The following ST6GAL1 variants were observed in gnomAD, a reference collection of about 807,000 sequenced individuals.
ST6GAL1 encodes the protein ST6 beta-galactoside alpha-2,6-sialyltransferase 1, also known as beta-galactoside alpha-2,6-sialyltransferase 1.
In ST6GAL1, 20 loss-of-function variants were observed where a neutral mutation model predicts 38.0. The ratio of observed to expected loss-of-function variants is 0.53; its 90% CI spans 0.37 to 0.77. ST6GAL1 has a LOEUF of 0.77. Ranked by LOEUF, ST6GAL1 falls within the 30% of genes least tolerant of loss-of-function variation. The probability of loss-of-function intolerance (pLI) is 0.00; values close to 1 mark genes in which losing one functional copy is unlikely to be tolerated. For missense variants in ST6GAL1, 432 were observed against 496.4 expected (o/e 0.87, Z 1.23); for synonymous variants, 196 against 188.2 (o/e 1.04, Z -0.34).
In ST6GAL1 at chr3:186,956,752, G is replaced by C. The variant is rs369270418; in HGVS notation, c.-324-7033G>C. ...AATCACCCTCCCGTAAGATCCACCAGTTCAGAAGCACTGATCATGCACACA... is the reference window on the plus strand; with the variant it reads ...AATCACCCTCCCGTAAGATCCACCACTTCAGAAGCACTGATCATGCACACA... On this transcript the variant is annotated intron_variant, in intron 1 of 7. Transcript: ENST00000169298. Among the ~76,000 whole-genome samples the C allele has an allele frequency of 1.2e-4, 18 of 152,316 alleles. 1 individual carries two copies. Among genetic ancestry groups the C allele is most frequent in the African/African-American group, 4.1e-4 (17 of 41,572 alleles).
chr3:187,021,390 T>C (rs183352767), intron 2 of ST6GAL1, among the ~76,000 whole-genome samples: 2 of 152,316 alleles, frequency 1.3e-5, no homozygotes, highest in Non-Finnish European at 2.9e-5. Flanking sequence ...CTGCCGTCCT[T>C]TCACCTGCCC....
chr3:187,072,852 GT>G lies in ST6GAL1; in HGVS notation c.711del (p.Thr238ProfsTer17). Reference sequence around the variant, plus strand: ...GCTTATCTCTTTCTTCCTGCAGTTGGTTACCACAGAGAAGCGCTTCCTCAAA... The same window carrying G: ...GCTTATCTCTTTCTTCCTGCAGTTGGTACCACAGAGAAGCGCTTCCTCAAA... ...TTIRLMNSQLVTTEKRFLKDS... is the reference protein window; with the variant it reads ...TTIRLMNSQLXTTEKRFLKDS... On this transcript the variant is annotated frameshift_variant, in exon 6 of 8. Coordinates refer to ENST00000169298, the MANE Select transcript of ST6GAL1 (RefSeq NM_173216.2). LOFTEE classifies it high-confidence loss of function. The G allele has an allele frequency of 5.0e-6, 8 of 1,613,754 alleles. No individual in the cohort carries two copies. The highest frequency in any genetic ancestry group is 6.8e-6 in the Non-Finnish European group (8 of 1,179,702).
intron 2 of ST6GAL1, among the ~76,000 whole-genome samples, chr3:186,999,327 G>A (rs576441341): frequency 6.6e-6 from 1 of 152,236 alleles, no homozygotes; most frequent in Admixed American, 6.5e-5. Flanking sequence ...CTGAATAAAT[G>A]TGTTTCTGTC....
At chr3:186,988,997 C>T (rs1716057488) in intron 2 of ST6GAL1, among the ~76,000 whole-genome samples, 1 of 152,136 alleles carries the variant, frequency 6.6e-6, no homozygotes, top group East Asian at 1.9e-4. Context: ...AAGTGAGAAT[C>T]ATTAACATGA....
intron 2 of ST6GAL1, among the ~76,000 whole-genome samples, chr3:187,024,168 C>T (rs1297939661): frequency 6.6e-6 from 1 of 151,906 alleles, no homozygotes; most frequent in Non-Finnish European, 1.5e-5. Flanking sequence ...GATCTCTGCT[C>T]ACTGCAATCT....
intron 2 of ST6GAL1, among the ~76,000 whole-genome samples, chr3:187,034,749 A>T (rs1175653319): frequency 6.6e-6 from 1 of 152,316 alleles, no homozygotes; most frequent in East Asian, 1.9e-4. Context: ...TCAAAGGCAC[A>T]TACCTCAAAA....
chr3:186,956,737 C>A (rs1289008691), intron 1 of ST6GAL1, among the ~76,000 whole-genome samples: 1 of 152,202 alleles, frequency 6.6e-6, no homozygotes, highest in Non-Finnish European at 1.5e-5. Context: ...AATCACCCTC[C>A]CGTAAGATCC....
At chr3:186,978,631 C>T (rs928349759) in intron 2 of ST6GAL1, among the ~76,000 whole-genome samples, 3 of 152,206 alleles carry the variant, frequency 2.0e-5, no homozygotes, top group Non-Finnish European at 4.4e-5. Flanking sequence ...ATCAAAGCTC[C>T]TTTTTAGTGC....
chr3:186,973,053 G>A (rs182531437), intron 2 of ST6GAL1, among the ~76,000 whole-genome samples: 3 of 152,156 alleles, frequency 2.0e-5, no homozygotes, highest in African/African-American at 7.2e-5. Flanking sequence ...TTTTATTTTT[G>A]AGATGGAGTT....
Position 187,043,069 on chromosome 3 carries a change from C to T in ST6GAL1, c.366C>T (p.Tyr122=). The T allele has an allele frequency of 3.1e-6, 5 of 1,614,192 alleles. No homozygotes were observed. The highest frequency in any genetic ancestry group is 4.2e-6 in the Non-Finnish European group (5 of 1,180,046). The change falls in exon 4 of 8, where the codon TAC becomes TAT. Residue 122 remains tyrosine (Y), a synonymous_variant. Coordinates refer to ENST00000169298, the MANE Select transcript of ST6GAL1 (RefSeq NM_173216.2). ...AGAATTACCTAAGCATGAACAAGTA[C>T]AAAGTGTCCTACAAGGGGCCAGGAC... is the stretch of plus-strand genomic sequence containing the variant. ...IWKNYLSMNK[Y]KVSYKGPGPG...
Position 186,945,702 on chromosome 3 carries a change from T to G in ST6GAL1, c.-325+14868T>G, listed in dbSNP as rs573361298. 8.6e-4 allele frequency among the ~76,000 whole-genome samples: 131 copies of G among 152,088 alleles called. 1 individual carries two copies. Among genetic ancestry groups the G allele is most frequent in the African/African-American group, 3.1e-3 (128 of 41,506 alleles). ...TAACTTTAATTAGAAGTGTACCTTT[T>G]CCGGCTGGGCACGGTGGCTCATGCC... On this transcript the variant is annotated intron_variant, in intron 1 of 7. Coordinates refer to ENST00000169298, the MANE Select transcript of ST6GAL1 (RefSeq NM_173216.2).
At chr3:186,933,956 C>G (rs534124326) in intron 1 of ST6GAL1, among the ~76,000 whole-genome samples, 1 of 152,188 alleles carries the variant, frequency 6.6e-6, no homozygotes, top group Admixed American at 6.5e-5. Context: ...GTTTGCTGAA[C>G]GGTTCACTTT....
chr3:187,027,158 C>T (rs1434991708), intron 2 of ST6GAL1, among the ~76,000 whole-genome samples: 2 of 151,944 alleles, frequency 1.3e-5, no homozygotes, highest in African/African-American at 4.8e-5. Context: ...AAATACAAGC[C>T]CCATTTTAAA....
At chr3:186,992,456 G>A (rs2108546415) in intron 2 of ST6GAL1, among the ~76,000 whole-genome samples, 1 of 152,206 alleles carries the variant, frequency 6.6e-6, no homozygotes, top group Middle Eastern at 3.4e-3. Flanking sequence ...AGAAGTGTGA[G>A]AATGGACTAA....
intron 5 of ST6GAL1, among the ~76,000 whole-genome samples, chr3:187,071,800 AAG>A (rs1282604329): frequency 4.7e-5 from 7 of 149,908 alleles, no homozygotes; most frequent in Admixed American, 1.3e-4. Context: ...AAAAAAGAAA[AAG>A]AAAATGAGGG....
At chr3:186,968,299 T>C (rs1715221726) in intron 2 of ST6GAL1, among the ~76,000 whole-genome samples, 1 of 152,146 alleles carries the variant, frequency 6.6e-6, no homozygotes, top group South Asian at 2.1e-4. Flanking sequence ...TATATAAAGT[T>C]TTTTCCCCAC....
At chr3:186,989,191 C>T (rs1422102966) in intron 2 of ST6GAL1, among the ~76,000 whole-genome samples, 1 of 152,004 alleles carries the variant, frequency 6.6e-6, no homozygotes, top group African/African-American at 2.4e-5. Context: ...ATTCAGAAAC[C>T]ATATTATCTA....
At chr3:186,953,653 G>T (rs1267228091) in intron 1 of ST6GAL1, among the ~76,000 whole-genome samples, 1 of 152,006 alleles carries the variant, frequency 6.6e-6, no homozygotes, top group African/African-American at 2.4e-5. Context: ...TATCTCTTTT[G>T]CTCACAGCTA....
rs79644978 is a variant in ST6GAL1, at chr3:187,017,413, A to G, written c.-182-21329A>G. Among the ~76,000 whole-genome samples, 930 of 149,202 alleles carry G rather than the reference A, an allele frequency of 6.2e-3. 12 individuals carry two copies. Among genetic ancestry groups the G allele is most frequent in the African/African-American group, 0.021 (882 of 41,072 alleles). On this transcript the variant is annotated intron_variant, in intron 2 of 7. Transcript: ENST00000169298. ...TAGGTGATATTAATGCCCAGGTAAG[A>G]TAGAGCAACAATGTTCTAAGTGGTT...
Sources: allele counts gnomAD v4.1 joint callset (sites outside exome capture counted in the v4.1 genomes callset), GRCh38; gene constraint gnomAD v4.1.1; transcripts MANE v1.5; gene names NCBI Gene and HGNC (gene_info 2026-07-23, HGNC 2026-07-21).